SUSD1: variants seen among roughly 807,000 people sequenced by gnomAD.
The protein encoded by SUSD1 is sushi domain containing 1, also known as sushi domain-containing protein 1.
Under a neutral mutation model 86.9 loss-of-function variants are expected in SUSD1, and 65 were observed. The ratio of observed to expected loss-of-function variants is 0.75; its 90% CI spans 0.61 to 0.92. The LOEUF (loss-of-function observed/expected upper bound fraction) is 0.92, where lower values mean the gene tolerates loss of function less well. SUSD1 is among the 40% of genes least tolerant of loss of function. The pLI is 0.00. For synonymous variants in SUSD1, 346 were observed against 350.0 expected, an observed-to-expected ratio of 0.99 and a Z score of 0.13; for missense variants, 850 against 929.7, an observed-to-expected ratio of 0.91 and a Z score of 1.11.
At chr9:112,042,818 T>C (rs1422499977) in intron 15 of SUSD1, among the ~76,000 whole-genome samples, 2 of 152,220 alleles carry the variant, frequency 1.3e-5, no homozygotes, top group Non-Finnish European at 2.9e-5. Flanking sequence ...CTCAGGTCTT[T>C]ACAGCCAGGT....
At chr9:112,116,145 G>A (rs1232874946) in intron 6 of SUSD1, among the ~76,000 whole-genome samples, 1 of 152,198 alleles carries the variant, frequency 6.6e-6, no homozygotes, top group Non-Finnish European at 1.5e-5. Context: ...CAGTTCCTTT[G>A]TCATCGAAGC....
At chr9:112,156,931 T>C (rs1589741377) in intron 2 of SUSD1, among the ~76,000 whole-genome samples, 1 of 152,224 alleles carries the variant, frequency 6.6e-6, no homozygotes, top group African/African-American at 2.4e-5. Flanking sequence ...ATTGTCTGAC[T>C]GTCATGGCAT....
At chr9:112,169,551 C>A (rs1833953530) in intron 1 of SUSD1, among the ~76,000 whole-genome samples, 2 of 152,170 alleles carry the variant, frequency 1.3e-5, no homozygotes, top group Admixed American at 1.3e-4. Flanking sequence ...CAGAAACCAA[C>A]CCACACTGAG....
At chr9:112,074,094 T>C (rs140551385) in intron 12 of SUSD1, among the ~76,000 whole-genome samples, 1 of 152,210 alleles carries the variant, frequency 6.6e-6, no homozygotes, top group African/African-American at 2.4e-5. Flanking sequence ...CACACACCTG[T>C]AATCCCAGCT....
chr9:112,130,358 G>C (rs1831963548), intron 5 of SUSD1, among the ~76,000 whole-genome samples: 1 of 150,378 alleles, frequency 6.6e-6, no homozygotes. Flanking sequence ...GGGCAATAGA[G>C]CGAGACTCCA....
intron 10 of SUSD1, among the ~76,000 whole-genome samples, chr9:112,089,908 A>T (rs1463509771): frequency 6.6e-6 from 1 of 152,148 alleles, no homozygotes; most frequent in Non-Finnish European, 1.5e-5. Context: ...AGGGCCAGAT[A>T]AGTAAATATT....
intron 10 of SUSD1, among the ~76,000 whole-genome samples, chr9:112,096,252 C>G (rs1466694636): frequency 6.6e-6 from 1 of 152,204 alleles, no homozygotes; most frequent in African/African-American, 2.4e-5. Context: ...GACCTCATCT[C>G]TCACCACTGT....
At chr9:112,163,017 T>A (rs554804409) in intron 1 of SUSD1, among the ~76,000 whole-genome samples, 1 of 152,350 alleles carries the variant, frequency 6.6e-6, no homozygotes, top group Admixed American at 6.5e-5. Context: ...ATAAACTCTA[T>A]ATGTAATCAT....
At chr9:112,067,481 C>T (rs113202514) in intron 12 of SUSD1, among the ~76,000 whole-genome samples, 8 of 152,226 alleles carry the variant, frequency 5.3e-5, no homozygotes, top group East Asian at 1.9e-4. Context: ...ATGCATCCAG[C>T]GCCTTGGTAT....
chr9:112,124,279 T>C lies in SUSD1; in HGVS notation c.864A>G (p.Arg288=). The C allele has an allele frequency of 6.2e-7, 1 of 1,613,756 alleles. No individual in the cohort carries two copies. Among genetic ancestry groups the C allele is most frequent in the South Asian group, 1.1e-5 (1 of 91,032 alleles). Residue 288 remains arginine, a synonymous_variant, in exon 6 of 17, where the codon AGA becomes AGG. Transcript: ENST00000374270. ...TACCTGTGCATGTTAAAGTACTTTC[T>C]CTCCAGGTGCCTTTCTCTGTGCAAA... The part of the protein sequence containing the change: ...TSVCTEKGTW[R]ESTLTCTEIL...
rs869259276 is a variant in SUSD1, at chr9:112,077,499, C to CTTTTTTT, written c.1753+1032_1753+1038dup. On this transcript the variant is annotated intron_variant, in intron 12 of 16. Coordinates refer to ENST00000374270, the MANE Select transcript of SUSD1 (RefSeq NM_022486.5). ...ATCATTGTCCCCTGATAGTAATCTA[C>CTTTTTTT]TTTTTTTTTTTTTTTTTTTTTTTTT... Among the ~76,000 whole-genome samples the CTTTTTTT allele has an allele frequency of 3.0e-4, 20 of 66,422 alleles. 1 individual carries two copies. The highest frequency in any genetic ancestry group is 4.6e-4 in the Non-Finnish European group (16 of 34,932). 43.6% of individuals were successfully genotyped at this position (66,422 alleles called of 152,430 possible). A position where few individuals can be genotyped will look rare whatever the true frequency, so the allele number is the denominator to read the frequency against.
intron 2 of SUSD1, among the ~76,000 whole-genome samples, chr9:112,155,944 G>A (rs1388075500): frequency 6.7e-6 from 1 of 149,998 alleles, no homozygotes; most frequent in Non-Finnish European, 1.5e-5. Flanking sequence ...AGAGAAGGAG[G>A]AAGGATGGAA....
Position 112,058,585 on chromosome 9 carries a change from C to T in SUSD1, c.1952G>A (p.Gly651Glu). ...GGCCAGTAGTTCTGCAGCCACGTAT[C>T]CATCAGCATCAGAGGCGTTGCTAAA... is the stretch of plus-strand genomic sequence containing the variant. ...SFFSNASDAD[G>E]YVAAELLAKD... Residue 651 changes from glycine (G) to glutamate (E), a missense_variant, in exon 14 of 17, where the codon GGA (glycine) becomes GAA (glutamate). By Grantham distance (98) the Gly-to-Glu change is moderately conservative. Transcript: ENST00000374270. The T allele has an allele frequency of 6.2e-7, 1 of 1,614,148 alleles. No homozygotes were observed. Among genetic ancestry groups the T allele is most frequent in the South Asian group, 1.1e-5 (1 of 91,086 alleles).
chr9:112,126,279 T>G (rs912195865), intron 5 of SUSD1, among the ~76,000 whole-genome samples: 4 of 152,116 alleles, frequency 2.6e-5, no homozygotes, highest in African/African-American at 7.2e-5. Flanking sequence ...AAGGTTAAAG[T>G]GCTCAGTGGA....
At chr9:112,174,074 A>G (rs1834165008) in intron 1 of SUSD1, 1 of 157,630 alleles carries the variant, frequency 6.3e-6, no homozygotes, top group African/African-American at 2.4e-5. Flanking sequence ...GGCACAGCTA[A>G]GTCCAAAGGC....
At chr9:112,085,600 A>T (rs1467511621) in intron 10 of SUSD1, among the ~76,000 whole-genome samples, 2 of 152,258 alleles carry the variant, frequency 1.3e-5, no homozygotes, top group Non-Finnish European at 2.9e-5. Context: ...AAAATAGGTT[A>T]CGGGAATTCA....
chr9:112,130,163 A>G (rs1831953734), intron 5 of SUSD1, among the ~76,000 whole-genome samples: 1 of 152,086 alleles, frequency 6.6e-6, no homozygotes, highest in Admixed American at 6.5e-5. Context: ...GCTTCAGCCC[A>G]GGAGTTCAAG....
rs1392493974 is a variant in SUSD1, at chr9:112,157,549, G to C, written c.168C>G (p.Ile56Met). 11 of 1,614,128 alleles carry C rather than the reference G, an allele frequency of 6.8e-6. No homozygotes were observed. The highest frequency in any genetic ancestry group is 9.3e-6 in the Non-Finnish European group (11 of 1,180,002). The part of the protein sequence containing the change: ...ATCQQREGKK[I>M]CICNYGFVGN... ...CTACAAATCCATAGTTGCAAATACA[G>C]ATCTTCTTCCCTTCTCTTTGCTGGC... The change falls in exon 2 of 17, where the codon ATC becomes ATG. Residue 56 changes from isoleucine to methionine, a missense_variant. Coordinates refer to ENST00000374270, the MANE Select transcript of SUSD1 (RefSeq NM_022486.5).
At chr9:112,121,657 GA>G (rs1342720349) in intron 6 of SUSD1, among the ~76,000 whole-genome samples, 18 of 152,302 alleles carry the variant, frequency 1.2e-4, no homozygotes, top group African/African-American at 4.1e-4. Flanking sequence ...ATTTCCGATG[GA>G]AAATGTTGGT....
Sources: allele counts gnomAD v4.1 joint callset (sites outside exome capture counted in the v4.1 genomes callset), GRCh38; gene constraint gnomAD v4.1.1; transcripts MANE v1.5; gene names NCBI Gene and HGNC (gene_info 2026-07-23, HGNC 2026-07-21).